Variants in SH2D4B observed in about 807,000 individuals in gnomAD.
SH2D4B encodes the protein SH2 domain containing 4B.
SH2D4B carries 45 observed loss-of-function variants against 61.5 expected under a neutral mutation model. The ratio of observed to expected loss-of-function variants is 0.73; its 90% CI spans 0.58 to 0.94. SH2D4B has a LOEUF of 0.94. SH2D4B is among the 40% of genes least tolerant of loss of function. The pLI is 0.00. For missense variants in SH2D4B, 572 were observed against 574.2 expected (o/e 1.00, Z 0.04); for synonymous variants, 224 against 220.4 (o/e 1.02, Z -0.14).
chr10:80,644,134 C>A lies in SH2D4B; in HGVS notation c.*49C>A. 6.8e-7 allele frequency: 1 copy of A among 1,468,610 alleles called. No homozygotes were observed. The highest frequency in any genetic ancestry group is 9.5e-7 in the Non-Finnish European group (1 of 1,051,872). The allele number at this position is 1,468,610 out of a possible 1,614,324, so 91.0% of individuals were successfully genotyped here. A position where few individuals can be genotyped will look rare whatever the true frequency, so the allele number is the denominator to read the frequency against. Reference sequence around the variant, plus strand: ...CATTTTGGTATCCTGTTTTTGAACTCAGCTTAAGAACTTCTCATCTCAAAT... The same window carrying A: ...CATTTTGGTATCCTGTTTTTGAACTAAGCTTAAGAACTTCTCATCTCAAAT... On this transcript the variant is annotated 3_prime_UTR_variant, in exon 8 of 8. Transcript: ENST00000646907.
chr10:80,611,293 T>C (rs1471921728), intron 6 of SH2D4B, among the ~76,000 whole-genome samples: 11 of 151,914 alleles, frequency 7.2e-5, no homozygotes, highest in Non-Finnish European at 1.6e-4. Flanking sequence ...ACACGTCAAG[T>C]TGTTGCTCAC....
chr10:80,570,156 G>A lies in SH2D4B; in HGVS notation c.187G>A (p.Ala63Thr), dbSNP rs187573190. 6.2e-7 allele frequency: 1 copy of A among 1,614,104 alleles called. No homozygotes were observed. Among genetic ancestry groups the A allele is most frequent in the East Asian group, 2.2e-5 (1 of 44,878 alleles). ...TTCTTCCTTCTTCTATTGTGAAGCA[G>A]CGAGTGACAAGCACATCCAATGGCT... ...GLRPPKTKRA[A>T]SDKHIQWLLG... Residue 63 changes from alanine to threonine, a missense_variant and splice_region_variant, in exon 2 of 8, where the codon GCG becomes ACG. By Grantham distance (58) the Ala-to-Thr change is moderately conservative. Coordinates refer to ENST00000646907, the MANE Select transcript of SH2D4B (RefSeq NM_001388272.1).
chr10:80,550,427 A>G (rs1467199118), intron 1 of SH2D4B, among the ~76,000 whole-genome samples: 3 of 152,108 alleles, frequency 2.0e-5, no homozygotes, highest in Admixed American at 6.5e-5. Flanking sequence ...CCCCATCTCT[A>G]CTAAAAGTAC....
intron 5 of SH2D4B, among the ~76,000 whole-genome samples, chr10:80,606,968 A>G (rs139223411): frequency 1.3e-5 from 2 of 152,356 alleles, no homozygotes; most frequent in African/African-American, 2.4e-5. Flanking sequence ...TGAAAATAAA[A>G]GTGACTCCTT....
chr10:80,546,018 CTT>C (rs1361227735), intron 1 of SH2D4B, among the ~76,000 whole-genome samples: 2 of 146,748 alleles, frequency 1.4e-5, no homozygotes, highest in Non-Finnish European at 3.0e-5. Flanking sequence ...CTCTTTCTTT[CTT>C]TCTCTTTCTT....
chr10:80,546,686 C>T (rs774459761), intron 1 of SH2D4B, among the ~76,000 whole-genome samples: 32 of 152,076 alleles, frequency 2.1e-4, no homozygotes, highest in Admixed American at 1.6e-3. Context: ...CCACCGCGCC[C>T]GGCTAATTTT....
At chr10:80,605,304 C>A (rs1427981610) in intron 5 of SH2D4B, among the ~76,000 whole-genome samples, 3 of 151,270 alleles carry the variant, frequency 2.0e-5, no homozygotes, top group Non-Finnish European at 4.4e-5. Flanking sequence ...TTAACAGGTG[C>A]ATAGTATTCT....
chr10:80,563,153 G>A lies in SH2D4B; in HGVS notation c.185-7001G>A, dbSNP rs575929267. Among the ~76,000 whole-genome samples the A allele has an allele frequency of 5.3e-5, 8 of 152,006 alleles. No homozygotes were observed. The South Asian group carries it at 8.3e-4, about 16-fold the overall frequency. ...CCTGACCTTGTGATCTGCCCGCTTCGGCCTCCCAAAGTGCTGGGATTACAG... is the reference window on the plus strand; with the variant it reads ...CCTGACCTTGTGATCTGCCCGCTTCAGCCTCCCAAAGTGCTGGGATTACAG... On this transcript the variant is annotated intron_variant, in intron 1 of 7. Transcript: ENST00000646907.
intron 1 of SH2D4B, among the ~76,000 whole-genome samples, chr10:80,567,788 G>A (rs1249542050): frequency 6.6e-6 from 1 of 152,170 alleles, no homozygotes; most frequent in African/African-American, 2.4e-5. Flanking sequence ...CTCCTCTGAA[G>A]GGAGTGTTGA....
At chr10:80,611,189 A>C (rs1201551965) in intron 6 of SH2D4B, among the ~76,000 whole-genome samples, 1 of 150,968 alleles carries the variant, frequency 6.6e-6, no homozygotes, top group Non-Finnish European at 1.5e-5. Flanking sequence ...AAAAAAAAAA[A>C]AAAAAAAAAA....
At chr10:80,603,891 C>A in intron 5 of SH2D4B, 96 bp downstream of exon 5, 1 of 1,152,078 alleles carries the variant, frequency 8.7e-7, no homozygotes, top group Non-Finnish European at 1.2e-6. Flanking sequence ...CCCAGATTTG[C>A]TGTGTAGTTT....
At chr10:80,583,888 A>G (rs985389481) in intron 3 of SH2D4B, among the ~76,000 whole-genome samples, 2 of 152,202 alleles carry the variant, frequency 1.3e-5, no homozygotes, top group African/African-American at 4.8e-5. Flanking sequence ...AACACAATCA[A>G]CGCAAGAAAA....
intron 3 of SH2D4B, 37 bp downstream of exon 3, chr10:80,571,615 T>TA: frequency 1.9e-6 from 3 of 1,609,982 alleles, no homozygotes; most frequent in Non-Finnish European, 2.5e-6. Flanking sequence ...TGCGGCCACC[T>TA]AATTAGCCCC....
At chr10:80,562,028 T>TAC (rs150356380) in intron 1 of SH2D4B, among the ~76,000 whole-genome samples, 20,494 of 144,356 alleles carry the variant, frequency 0.14, 1,586 homozygotes, top group African/African-American at 0.22. Context: ...CTCTTCCAAT[T>TAC]ACACACACAC....
intron 1 of SH2D4B, among the ~76,000 whole-genome samples, chr10:80,540,633 G>A (rs571500503): frequency 2.4e-4 from 36 of 152,160 alleles, no homozygotes; most frequent in African/African-American, 6.5e-4. Context: ...TTCCAAACTC[G>A]GAACTCCAAT....
At chr10:80,633,414 T>C (rs1266094183) in intron 6 of SH2D4B, among the ~76,000 whole-genome samples, 1 of 152,242 alleles carries the variant, frequency 6.6e-6, no homozygotes, top group African/African-American at 2.4e-5. Flanking sequence ...ATTTGGGTTA[T>C]GATCATCTAA....
At chr10:80,623,599 CT>C (rs1262928195) in intron 6 of SH2D4B, among the ~76,000 whole-genome samples, 1 of 152,126 alleles carries the variant, frequency 6.6e-6, no homozygotes, top group African/African-American at 2.4e-5. Context: ...TGGTTTTGTT[CT>C]TTAGTTGCAC....
chr10:80,596,945 C>A (rs1248530899), intron 4 of SH2D4B, among the ~76,000 whole-genome samples: 1 of 150,276 alleles, frequency 6.7e-6, no homozygotes, highest in African/African-American at 2.5e-5. Flanking sequence ...CGGATTCACT[C>A]AACCTCTGAC....
intron 7 of SH2D4B, among the ~76,000 whole-genome samples, chr10:80,641,811 G>A (rs1050172498): frequency 6.6e-6 from 1 of 152,198 alleles, no homozygotes; most frequent in Admixed American, 6.5e-5. Flanking sequence ...GAGACTCACA[G>A]TTTCATTTCT....
Sources: allele counts gnomAD v4.1 joint callset (sites outside exome capture counted in the v4.1 genomes callset), GRCh38; gene constraint gnomAD v4.1.1; transcripts MANE v1.5; gene names NCBI Gene and HGNC (gene_info 2026-07-23, HGNC 2026-07-21).